Variants in ZC3H12C observed in about 807,000 individuals in gnomAD.
ZC3H12C encodes probable ribonuclease ZC3H12C.
ZC3H12C carries 20 observed loss-of-function variants against 76.3 expected under a neutral mutation model. The ratio of observed to expected loss-of-function variants is 0.26; its 90% CI spans 0.18 to 0.38. The LOEUF is 0.38. Ranked by LOEUF, ZC3H12C falls within the 10% of genes least tolerant of loss-of-function variation. The pLI is 1.00. For missense variants in ZC3H12C, 874 were observed against 1,086.5 expected (o/e 0.80, Z 2.75); for synonymous variants, 352 against 399.6 (o/e 0.88, Z 1.42).
At chr11:110,133,248 G>A (rs998765956) in intron 1 of ZC3H12C, among the ~76,000 whole-genome samples, 3 of 152,088 alleles carry the variant, frequency 2.0e-5, no homozygotes, top group African/African-American at 4.8e-5. Context: ...TTACCATTTG[G>A]ATCAATACAA....
chr11:110,133,383 T>C (rs762427273), intron 1 of ZC3H12C, among the ~76,000 whole-genome samples: 14 of 152,218 alleles, frequency 9.2e-5, no homozygotes, highest in Non-Finnish European at 1.8e-4. Flanking sequence ...ACTGCTTGTT[T>C]AGTACACGAT....
chr11:110,142,130 A>G (rs1862076870), intron 2 of ZC3H12C, among the ~76,000 whole-genome samples: 1 of 152,214 alleles, frequency 6.6e-6, no homozygotes. Flanking sequence ...TCAAAGAATC[A>G]GAGCTAGCTT....
chr11:110,163,044 T>TA (rs1399728625), intron 4 of ZC3H12C, among the ~76,000 whole-genome samples: 2 of 152,224 alleles, frequency 1.3e-5, no homozygotes, highest in Non-Finnish European at 1.5e-5. Context: ...ACTCAAAACT[T>TA]ACTTGAATTA....
rs146697549 is a variant in ZC3H12C at position 110,162,818 on chromosome 11, G to A, written c.1149-455G>A. ...GATGCCATGGTGTAGTGTGTAAAGT[G>A]CCTAGCACTAACCGGTGTCTGGTAA... On this transcript the variant is annotated intron_variant, in intron 4 of 5. Coordinates refer to ENST00000278590, the MANE Select transcript of ZC3H12C (RefSeq NM_033390.2). Among the ~76,000 whole-genome samples, 954 of 152,284 alleles carry A rather than the reference G, an allele frequency of 6.3e-3. 13 individuals carry two copies. Among genetic ancestry groups the A allele is most frequent in the African/African-American group, 0.022 (907 of 41,542 alleles).
In ZC3H12C at chr11:110,124,811, TGA is replaced by T; in HGVS notation, c.22-11849_22-11848del. Among the ~76,000 whole-genome samples, 6 of 90,164 alleles carry T rather than the reference TGA, an allele frequency of 6.7e-5. No homozygotes were observed. The Admixed American group carries it at 7.6e-4, about 11-fold the overall frequency. 59.2% of individuals were successfully genotyped at this position (90,164 alleles called of 152,430 possible). ...GGACCAGAGACTTGTGATTTGCAGC[TGA>T]GATTTTTTTTTTTTTTTAAGCAGAA... On this transcript the variant is annotated intron_variant, in intron 1 of 5. Coordinates refer to ENST00000278590, the MANE Select transcript of ZC3H12C (RefSeq NM_033390.2).
At chr11:110,126,250 G>T (rs1464426536) in intron 1 of ZC3H12C, among the ~76,000 whole-genome samples, 1 of 106,058 alleles carries the variant, frequency 9.4e-6, no homozygotes, top group Non-Finnish European at 1.8e-5. Flanking sequence ...TTGAGATGAG[G>T]TCTCACTCTG....
intron 4 of ZC3H12C, among the ~76,000 whole-genome samples, chr11:110,162,774 T>C (rs977655062): frequency 6.6e-5 from 10 of 152,190 alleles, no homozygotes; most frequent in Admixed American, 4.6e-4. Context: ...GAGCTAATAC[T>C]TCGTGGGATC....
chr11:110,125,103 G>T (rs1861716133), intron 1 of ZC3H12C, among the ~76,000 whole-genome samples: 1 of 152,090 alleles, frequency 6.6e-6, no homozygotes, highest in Non-Finnish European at 1.5e-5. Flanking sequence ...AACAATGATA[G>T]CTACTCTTAA....
intron 1 of ZC3H12C, among the ~76,000 whole-genome samples, chr11:110,106,829 T>C (rs574854994): frequency 6.6e-6 from 1 of 152,354 alleles, no homozygotes; most frequent in East Asian, 1.9e-4. Context: ...TTCAGTTGAG[T>C]CTCGTGATTT....
chr11:110,140,642 A>G (rs1331828876), intron 2 of ZC3H12C, among the ~76,000 whole-genome samples: 2 of 152,072 alleles, frequency 1.3e-5, no homozygotes, highest in African/African-American at 4.8e-5. Flanking sequence ...GGCAAGTCCT[A>G]CCTTTTGGGT....
At chr11:110,120,979 A>G (rs1180225449) in intron 1 of ZC3H12C, among the ~76,000 whole-genome samples, 2 of 152,216 alleles carry the variant, frequency 1.3e-5, no homozygotes, top group Non-Finnish European at 2.9e-5. Context: ...TTGGGAAGAA[A>G]GAAACTCTGA....
At chr11:110,116,434 A>G (rs1861527184) in intron 1 of ZC3H12C, among the ~76,000 whole-genome samples, 1 of 152,176 alleles carries the variant, frequency 6.6e-6, no homozygotes, top group Admixed American at 6.5e-5. Flanking sequence ...TATCATGCAC[A>G]AAGGAATAGA....
At chr11:110,127,437 A>G (rs997911701) in intron 1 of ZC3H12C, among the ~76,000 whole-genome samples, 1 of 152,004 alleles carries the variant, frequency 6.6e-6, no homozygotes, top group Admixed American at 6.6e-5. Context: ...CTTTTACACT[A>G]TGTGTGTGAA....
Position 110,164,828 on chromosome 11 carries a change from T to C in ZC3H12C, c.1743T>C (p.Cys581=). The change falls in exon 6 of 6, where the codon TGT becomes TGC. Residue 581 remains cysteine (C), a synonymous_variant. Transcript: ENST00000278590. The surrounding 1 kb of genome is among the most constrained non-coding windows in gnomAD (Gnocchi z 5.7). ...TPMPYEQYPK[C]DSPVDIGYYS... is the part of the protein sequence containing the mutation. The stretch of plus-strand genomic sequence containing the variant: ...TGCCTTATGAACAGTATCCAAAATG[T>C]GACTCACCTGTCGACATCGGATATT... 6.2e-7 allele frequency: 1 copy of C among 1,614,022 alleles called. No individual in the cohort carries two copies. The highest frequency in any genetic ancestry group is 8.5e-7 in the Non-Finnish European group (1 of 1,179,894).
chr11:110,126,214 T>G (rs1463095031), intron 1 of ZC3H12C, among the ~76,000 whole-genome samples: 26 of 52,904 alleles, frequency 4.9e-4, no homozygotes, highest in African/African-American at 2.2e-3. Flanking sequence ...TGTTGTTTTC[T>G]TCTTTTTTTT....
chr11:110,107,204 G>T (rs1861345426), intron 1 of ZC3H12C, among the ~76,000 whole-genome samples: 1 of 152,092 alleles, frequency 6.6e-6, no homozygotes, highest in South Asian at 2.1e-4. Context: ...TGAACATATT[G>T]TTAATCAGTT....
intron 2 of ZC3H12C, 55 bp from the exon 3 acceptor site, chr11:110,152,864 A>T: frequency 6.4e-7 from 1 of 1,554,432 alleles, no homozygotes; most frequent in Non-Finnish European, 8.7e-7. Flanking sequence ...ACTTGAATTA[A>T]TTTACTTAAA....
chr11:110,150,081 A>T (rs1018404436), intron 2 of ZC3H12C, among the ~76,000 whole-genome samples: 2 of 152,172 alleles, frequency 1.3e-5, no homozygotes, highest in South Asian at 4.1e-4. Context: ...AGGAATAACC[A>T]GTTGCCCTAG....
At chr11:110,098,494 T>C (rs183198052) in intron 1 of ZC3H12C, among the ~76,000 whole-genome samples, 123 of 152,314 alleles carry the variant, frequency 8.1e-4, no homozygotes, top group Non-Finnish European at 1.6e-3. Flanking sequence ...TCTACAGTAA[T>C]GTACACTAAT....
Sources: allele counts gnomAD v4.1 joint callset (sites outside exome capture counted in the v4.1 genomes callset), GRCh38; gene constraint gnomAD v4.1.1; non-coding constraint Gnocchi (gnomAD v3.1); transcripts MANE v1.5; gene names NCBI Gene and HGNC (gene_info 2026-07-23, HGNC 2026-07-21).